Variants in THSD7A observed in about 807,000 individuals in gnomAD.
The protein encoded by THSD7A is thrombospondin type-1 domain-containing protein 7A.
Under a neutral mutation model 231.3 loss-of-function variants are expected in THSD7A, and 96 were observed. The observed-to-expected ratio is 0.41, with a 90% CI of 0.35 to 0.49. THSD7A has a LOEUF of 0.49. Among genes scored for constraint, THSD7A ranks in the 20% least tolerant of loss-of-function variants. THSD7A has a pLI of 0.05. For missense variants in THSD7A, 2,290 were observed against 2,070.2 expected (o/e 1.11, Z -2.06); for synonymous variants, 940 against 743.3 (o/e 1.26, Z -4.30).
At chr7:11,504,162 A>C (rs1204595472) in intron 6 of THSD7A, among the ~76,000 whole-genome samples, 1 of 152,230 alleles carries the variant, frequency 6.6e-6, no homozygotes, top group Non-Finnish European at 1.5e-5. Flanking sequence ...TCTTGTGGGA[A>C]CACGGATGGA....
At chr7:11,661,123 C>T (rs1782914491) in intron 1 of THSD7A, among the ~76,000 whole-genome samples, 1 of 151,226 alleles carries the variant, frequency 6.6e-6, no homozygotes, top group South Asian at 2.1e-4. Flanking sequence ...GTAAGTAACC[C>T]AGGCTATCAG....
At chr7:11,815,333 T>C (rs1342633121) in intron 1 of THSD7A, among the ~76,000 whole-genome samples, 1 of 151,956 alleles carries the variant, frequency 6.6e-6, no homozygotes, top group African/African-American at 2.4e-5. Flanking sequence ...ATTACTTCTC[T>C]TAACCAGGTA....
intron 1 of THSD7A, among the ~76,000 whole-genome samples, chr7:11,780,757 G>T (rs1486283463): frequency 6.6e-6 from 1 of 152,002 alleles, no homozygotes. Flanking sequence ...TGTTTTTTTA[G>T]ACAGCAATGG....
intron 2 of THSD7A, among the ~76,000 whole-genome samples, chr7:11,625,238 G>C (rs1435859072): frequency 6.6e-6 from 1 of 151,932 alleles, no homozygotes; most frequent in African/African-American, 2.4e-5. Context: ...TGTTGTTATT[G>C]TTGCATAGTC....
chr7:11,453,134 TA>T (rs1036552008), intron 11 of THSD7A, among the ~76,000 whole-genome samples: 5 of 151,828 alleles, frequency 3.3e-5, no homozygotes, highest in African/African-American at 1.2e-4. Flanking sequence ...ATGTAACCTT[TA>T]AAAAAAGAGC....
chr7:11,595,445 T>C (rs1288812903), intron 2 of THSD7A, among the ~76,000 whole-genome samples: 2 of 152,068 alleles, frequency 1.3e-5, no homozygotes, highest in African/African-American at 4.8e-5. Context: ...TGTTCCAGCT[T>C]GGGGAGTTAA....
In THSD7A at chr7:11,406,403, A is replaced by T. The variant is rs200289410; in HGVS notation, c.4134T>A (p.Asp1378Glu). 2.7e-4 allele frequency: 435 copies of T among 1,613,930 alleles called. 5 individuals are homozygous for T. In the African/African-American group the frequency reaches 4.8e-3, roughly 18 times the overall value. The change falls in exon 22 of 28, where the codon GAT becomes GAA. Residue 1378 changes from aspartate (D) to glutamate (E), a missense_variant. Physicochemically the swap from Asp to Glu is conservative, Grantham distance 45. Transcript: ENST00000423059. The surrounding 1 kb of genome is among the most constrained non-coding windows in gnomAD (Gnocchi z 4.7). ...ATTCCTCATCCACCACTTTGCTGAA[A>T]TCATCAGCTGACCCATCACTTACTA... ...SCVVSDGSAD[D>E]FSKVVDEEFC... is the part of the protein sequence containing the mutation.
rs1218465030 is a variant in THSD7A, at chr7:11,637,996, G to A, written c.191-1035C>T. 1.3e-5 allele frequency among the ~76,000 whole-genome samples: 2 copies of A among 152,118 alleles called. No individual in the cohort carries two copies. The highest frequency in any genetic ancestry group is 6.5e-5 in the Admixed American group (1 of 15,278). ...CCATGAATTTGAGAAATTGTTTGAT[G>A]TGCCTTAAAGCCATTTTCCATCTGT... On this transcript the variant is annotated intron_variant, in intron 1 of 27. Coordinates refer to ENST00000423059, the MANE Select transcript of THSD7A (RefSeq NM_015204.3). This position sits in a 1 kb window ranked among gnomAD's most constrained non-coding sequence, Gnocchi z 4.2.
At chr7:11,387,958 T>A (rs542700399) in intron 23 of THSD7A, among the ~76,000 whole-genome samples, 17 of 152,160 alleles carry the variant, frequency 1.1e-4, no homozygotes, top group Non-Finnish European at 2.2e-4. Context: ...CTGCATCTAA[T>A]CATGTGGTTT....
At chr7:11,392,369 T>C (rs1293295189) in intron 23 of THSD7A, among the ~76,000 whole-genome samples, 1 of 151,850 alleles carries the variant, frequency 6.6e-6, no homozygotes, top group Non-Finnish European at 1.5e-5. Flanking sequence ...GCTTTTCTCA[T>C]GGTCTTTGCA....
chr7:11,629,796 A>G (rs73290902), intron 2 of THSD7A, among the ~76,000 whole-genome samples: 32,696 of 152,160 alleles, frequency 0.21, 6,337 homozygotes, highest in African/African-American at 0.52. Flanking sequence ...ACTCTCTGCC[A>G]AGAAAGATAT....
chr7:11,670,529 T>A (rs1405316), intron 1 of THSD7A, among the ~76,000 whole-genome samples: 82,914 of 152,018 alleles, frequency 0.55, 23,075 homozygotes, highest in South Asian at 0.69. Flanking sequence ...TACAACCCAA[T>A]GTTGACAAGT....
intron 1 of THSD7A, among the ~76,000 whole-genome samples, chr7:11,652,766 A>G (rs1464871599): frequency 6.6e-6 from 1 of 151,970 alleles, no homozygotes; most frequent in African/African-American, 2.4e-5. Context: ...GTCTAAAGAA[A>G]CTGAATTTAT....
chr7:11,734,115 C>G (rs564646922), intron 1 of THSD7A, among the ~76,000 whole-genome samples: 1 of 151,944 alleles, frequency 6.6e-6, no homozygotes, highest in African/African-American at 2.4e-5. Flanking sequence ...TCCAATTAGC[C>G]CCCAAATCCA....
At chr7:11,423,131 G>A (rs1385953396) in intron 16 of THSD7A, among the ~76,000 whole-genome samples, 1 of 151,844 alleles carries the variant, frequency 6.6e-6, no homozygotes, top group Non-Finnish European at 1.5e-5. Flanking sequence ...CTATATTAAG[G>A]TCCTCAGAGA....
rs1780631667 is a variant in THSD7A, at chr7:11,603,696, C to T, written c.1023-10194G>A. 2.0e-5 allele frequency among the ~76,000 whole-genome samples: 3 copies of T among 150,996 alleles called. No homozygotes were observed. The South Asian group carries it at 6.3e-4, about 32-fold the overall frequency. Reference sequence around the variant, plus strand: ...ATATACACCATGGAATACTATGCAGCCATAAAAAAGGATGAGTTCATGTCC... The same window carrying T: ...ATATACACCATGGAATACTATGCAGTCATAAAAAAGGATGAGTTCATGTCC... On this transcript the variant is annotated intron_variant, in intron 2 of 27. Coordinates refer to ENST00000423059, the MANE Select transcript of THSD7A (RefSeq NM_015204.3).
intron 1 of THSD7A, among the ~76,000 whole-genome samples, chr7:11,763,201 T>C (rs1363332496): frequency 6.6e-6 from 1 of 152,146 alleles, no homozygotes. Flanking sequence ...TGTACTTCCA[T>C]CCCACTGGTA....
At chr7:11,399,118 A>G (rs574285466) in intron 23 of THSD7A, among the ~76,000 whole-genome samples, 1 of 152,346 alleles carries the variant, frequency 6.6e-6, no homozygotes, top group Admixed American at 6.5e-5. Flanking sequence ...AATCTCAACA[A>G]GGAGTTGTCT....
chr7:11,548,336 TAAC>T (rs764052775), intron 4 of THSD7A, among the ~76,000 whole-genome samples: 152 of 152,068 alleles, frequency 1.0e-3, no homozygotes, highest in Non-Finnish European at 1.1e-3. Context: ...AACAGACACA[TAAC>T]AAGTTCTAAA....
Sources: gnomAD v4.1 joint callset for allele counts (sites outside exome capture counted in the v4.1 genomes callset) on GRCh38, gnomAD v4.1.1 for gene constraint, Gnocchi (gnomAD v3.1) non-coding constraint, MANE v1.5 for transcripts, NCBI Gene and HGNC (gene_info 2026-07-23, HGNC 2026-07-21) for gene names.